KMT2E: variants seen among roughly 807,000 people sequenced by gnomAD.
KMT2E encodes the protein histone reader KMT2E.
A neutral mutation model predicts 184.6 loss-of-function variants in KMT2E; 30 were observed. The ratio of observed to expected loss-of-function variants is 0.16; its 90% CI spans 0.12 to 0.22. KMT2E has a LOEUF of 0.22. Among genes scored for constraint, KMT2E ranks in the 10% least tolerant of loss-of-function variants. KMT2E has a pLI of 1.00. For missense variants in KMT2E, 2,023 were observed against 2,237.4 expected, an observed-to-expected ratio of 0.90 and a Z score of 1.93; for synonymous variants, 815 against 776.5, an observed-to-expected ratio of 1.05 and a Z score of -0.82.
At chr7:105,071,009 C>G (rs1408237051) in intron 6 of KMT2E, among the ~76,000 whole-genome samples, 3 of 152,104 alleles carry the variant, frequency 2.0e-5, no homozygotes, top group Non-Finnish European at 4.4e-5. Context: ...CAAGTTAAGT[C>G]TAACTCATCC....
intron 1 of KMT2E, among the ~76,000 whole-genome samples, chr7:105,022,554 T>TA (rs1443668524): frequency 6.6e-6 from 1 of 152,200 alleles, no homozygotes; most frequent in Non-Finnish European, 1.5e-5. Context: ...CTCTATTGTA[T>TA]AGTTGATGTT....
At chr7:105,025,666 A>G (rs1040626013) in intron 1 of KMT2E, among the ~76,000 whole-genome samples, 10 of 152,180 alleles carry the variant, frequency 6.6e-5, no homozygotes, top group Admixed American at 3.9e-4. Context: ...TTTCTTCCCA[A>G]ATTGGCTAAT....
chr7:105,062,528 A>G (rs1376407365), intron 4 of KMT2E, among the ~76,000 whole-genome samples: 3 of 152,164 alleles, frequency 2.0e-5, no homozygotes, highest in African/African-American at 7.2e-5. Flanking sequence ...TCCTAAAAGA[A>G]TGCAGATAAG....
chr7:105,030,677 A>G (rs1261990328), intron 1 of KMT2E, among the ~76,000 whole-genome samples: 1 of 152,230 alleles, frequency 6.6e-6, no homozygotes, highest in African/African-American at 2.4e-5. Context: ...CATTCAGGCC[A>G]CATCTCAGAC....
At chr7:105,047,518 A>C (rs875568) in intron 3 of KMT2E, among the ~76,000 whole-genome samples, 42,494 of 152,150 alleles carry the variant, frequency 0.28, 8,736 homozygotes, top group East Asian at 0.64. Flanking sequence ...CTGTATTGTT[A>C]AACTTAATAG....
chr7:105,031,650 G>A (rs1160776191), intron 1 of KMT2E, among the ~76,000 whole-genome samples: 2 of 150,714 alleles, frequency 1.3e-5, no homozygotes, highest in Non-Finnish European at 3.0e-5. Context: ...TAATTGGGAG[G>A]CTGAGGCAGG....
In KMT2E at chr7:105,062,184, GCCCTGTGGTAGTT is replaced by G. The variant is rs780483695; in HGVS notation, c.93_105del (p.Ser31ArgfsTer55). On this transcript the variant is annotated frameshift_variant, in exon 4 of 27. Coordinates refer to ENST00000311117, the MANE Select transcript of KMT2E (RefSeq NM_182931.3). LOFTEE classifies it high-confidence loss of function. ...CCCAGACCAGAATCCGTAGAAGCTA[GCCCTGTGGTAGTT>G]GAGAAATCCAACAGTTATCCCCACC... is the stretch of plus-strand genomic sequence containing the variant. The G allele has an allele frequency of 6.2e-7, 1 of 1,612,602 alleles. No individual in the cohort carries two copies. Among genetic ancestry groups the G allele is most frequent in the Non-Finnish European group, 8.5e-7 (1 of 1,178,910 alleles).
At chr7:105,076,210 G>T in intron 9 of KMT2E, 129 bp downstream of exon 9, 1 of 635,616 alleles carries the variant, frequency 1.6e-6, no homozygotes, top group Non-Finnish European at 2.7e-6. Flanking sequence ...ATCTTTACCA[G>T]GAGTGGGACC....
At chr7:105,067,066 T>TAAAAAAAAAAAAAA (rs11457088) in intron 6 of KMT2E, among the ~76,000 whole-genome samples, 1 of 115,448 alleles carries the variant, frequency 8.7e-6, no homozygotes, top group Non-Finnish European at 1.7e-5. Context: ...CTTTTTTTTT[T>TAAAAAAAAAAAAAA]AAAAAAAAAA....
At chr7:105,065,889 A>G (rs186845822) in intron 5 of KMT2E, among the ~76,000 whole-genome samples, 18 of 152,326 alleles carry the variant, frequency 1.2e-4, no homozygotes, top group African/African-American at 4.1e-4. Flanking sequence ...CTTCAGACAA[A>G]TTAGTCTTGG....
chr7:105,029,823 C>G (rs1384473049), intron 1 of KMT2E, among the ~76,000 whole-genome samples: 1 of 151,934 alleles, frequency 6.6e-6, no homozygotes, highest in Non-Finnish European at 1.5e-5. Context: ...AAAATTGAGT[C>G]CAAGATTGAT....
chr7:105,103,777 T>TAC (rs1197052393), intron 17 of KMT2E: 1 of 151,566 alleles, frequency 6.6e-6, no homozygotes, highest in Non-Finnish European at 1.5e-5. Flanking sequence ...TGTGTATATA[T>TAC]ATATACATAT....
chr7:105,107,139 C>G, intron 20 of KMT2E, 27 bp from the exon 21 acceptor site: 1 of 1,242,352 alleles, frequency 8.0e-7, no homozygotes, highest in Non-Finnish European at 1.1e-6. Flanking sequence ...TTTAAATTTT[C>G]AATTCTAATT....
chr7:105,089,874 A>G (rs933303510), intron 13 of KMT2E, 135 bp from the exon 14 acceptor site: 27 of 1,290,392 alleles, frequency 2.1e-5, no homozygotes, highest in Non-Finnish European at 2.7e-5. Flanking sequence ...CTAGGAATGT[A>G]AATTACTAAA....
At chr7:105,065,679 C>T (rs1441711548) in intron 5 of KMT2E, among the ~76,000 whole-genome samples, 1 of 152,144 alleles carries the variant, frequency 6.6e-6, no homozygotes, top group Admixed American at 6.5e-5. Flanking sequence ...TCTTTGTCTC[C>T]TCTCTCTTTC....
intron 6 of KMT2E, among the ~76,000 whole-genome samples, chr7:105,072,291 T>TTGGCA (rs1163116181): frequency 2.0e-5 from 3 of 152,028 alleles, no homozygotes; most frequent in Non-Finnish European, 4.4e-5. Context: ...GAACTCCAGC[T>TTGGCA]TGGCAGCCTG....
chr7:105,034,098 A>C (rs1464526479), intron 1 of KMT2E, among the ~76,000 whole-genome samples: 1 of 152,202 alleles, frequency 6.6e-6, no homozygotes, highest in Non-Finnish European at 1.5e-5. Flanking sequence ...TCCACATCGT[A>C]ACCTTGCTTC....
intron 13 of KMT2E, chr7:105,089,199 CTT>C (rs1385480656): frequency 5.0e-6 from 2 of 398,928 alleles, no homozygotes; most frequent in East Asian, 9.4e-5. Flanking sequence ...AAATCCTAAA[CTT>C]TTTTTGTTTT....
chr7:105,110,522 C>G lies in KMT2E; in HGVS notation c.3890C>G (p.Ser1297Cys). 2 of 1,614,136 alleles carry G rather than the reference C, an allele frequency of 1.2e-6. No homozygotes were observed. The highest frequency in any genetic ancestry group is 1.7e-6 in the Non-Finnish European group (2 of 1,180,004). ...TCATGTTCACCGAGTCATGTTCAGT[C>G]TTCACCTTCATCTCATTCAAATCAC... ...CVSCSPSHVQ[S>C]SPSSHSNHIP... The change falls in exon 25 of 27, where the codon TCT becomes TGT. Residue 1297 changes from serine (S) to cysteine (C), a missense_variant. Ser to Cys is a moderately radical substitution (Grantham distance 112). Coordinates refer to ENST00000311117, the MANE Select transcript of KMT2E (RefSeq NM_182931.3).
Sources: allele counts gnomAD v4.1 joint callset (sites outside exome capture counted in the v4.1 genomes callset), GRCh38; gene constraint gnomAD v4.1.1; transcripts MANE v1.5; gene names NCBI Gene and HGNC (gene_info 2026-07-23, HGNC 2026-07-21).